SDK1: variants seen among roughly 807,000 people sequenced by gnomAD.
The protein encoded by SDK1 is sidekick cell adhesion molecule 1, also known as protein sidekick-1.
A neutral mutation model predicts 245.5 loss-of-function variants in SDK1; 157 were observed. The observed-to-expected ratio is 0.64, with a 90% CI of 0.56 to 0.73. SDK1 has a LOEUF of 0.73. SDK1 is among the 30% of genes least tolerant of loss of function. The pLI is 0.00. For synonymous variants in SDK1, 1,647 were observed against 1,278.5 expected, an observed-to-expected ratio of 1.29 and a Z score of -6.15; for missense variants, 3,583 against 3,002.3, an observed-to-expected ratio of 1.19 and a Z score of -4.52.
At chr7:3,716,367 A>G (rs779801078) in intron 4 of SDK1, among the ~76,000 whole-genome samples, 1 of 152,228 alleles carries the variant, frequency 6.6e-6, no homozygotes, top group Non-Finnish European at 1.5e-5. Flanking sequence ...TGTGTTGAAA[A>G]TAAGTAATTT....
intron 22 of SDK1, among the ~76,000 whole-genome samples, chr7:4,104,277 T>A (rs1315587543): frequency 1.3e-5 from 2 of 152,178 alleles, no homozygotes; most frequent in African/African-American, 4.8e-5. Context: ...CCCAGGCTGG[T>A]CTCGAAGTCC....
intron 1 of SDK1, among the ~76,000 whole-genome samples, chr7:3,393,771 G>T (rs1423431105): frequency 6.6e-6 from 1 of 152,012 alleles, no homozygotes; most frequent in African/African-American, 2.4e-5. Context: ...TTGAATTTGA[G>T]TTTCTTCAAA....
chr7:3,473,398 T>C (rs1048873353), intron 1 of SDK1, among the ~76,000 whole-genome samples: 1 of 152,380 alleles, frequency 6.6e-6, no homozygotes, highest in African/African-American at 2.4e-5. Flanking sequence ...TAAAATACTT[T>C]ATAGATTTAC....
Position 3,723,953 on chromosome 7 carries a change from G to T in SDK1, c.713+81848G>T, listed in dbSNP as rs200529191. Among the ~76,000 whole-genome samples the T allele has an allele frequency of 3.2e-3, 460 of 145,412 alleles. 7 individuals carry two copies. Among genetic ancestry groups the T allele is most frequent in the Middle Eastern group, 0.014 (4 of 276 alleles). On this transcript the variant is annotated intron_variant, in intron 4 of 44. Transcript: ENST00000404826. The stretch of plus-strand genomic sequence containing the variant: ...ATATATATATATATATAGAGAGAGA[G>T]AGAGAGAGAGAGAGAGAGAGAGAGA...
chr7:3,619,036 A>G, intron 1 of SDK1, 44 bp from the exon 2 acceptor site: 3 of 1,453,138 alleles, frequency 2.1e-6, no homozygotes, highest in Non-Finnish European at 2.8e-6. Flanking sequence ...TGCCACTTTC[A>G]TGCGTACTTC....
chr7:3,819,698 T>C (rs1386409562), intron 4 of SDK1, among the ~76,000 whole-genome samples: 2 of 152,116 alleles, frequency 1.3e-5, no homozygotes, highest in African/African-American at 4.8e-5. Context: ...GAAAACTTCC[T>C]AATAGGGAAA....
intron 4 of SDK1, among the ~76,000 whole-genome samples, chr7:3,713,444 C>A (rs991324275): frequency 3.9e-5 from 6 of 152,168 alleles, no homozygotes; most frequent in Non-Finnish European, 7.3e-5. Flanking sequence ...GACTGCTACA[C>A]ATTTTCCCTT....
chr7:3,595,797 C>A (rs74328156), intron 1 of SDK1, among the ~76,000 whole-genome samples: 4,352 of 133,400 alleles, frequency 0.033, 215 homozygotes, highest in African/African-American at 0.11. Context: ...CACTGCACTC[C>A]AGCCTGGTCG....
intron 36 of SDK1, among the ~76,000 whole-genome samples, chr7:4,207,817 A>C (rs1202014951): frequency 6.6e-6 from 1 of 152,112 alleles, no homozygotes; most frequent in African/African-American, 2.4e-5. Context: ...CTTATCTTCA[A>C]CAGCGCTTTG....
intron 42 of SDK1, among the ~76,000 whole-genome samples, chr7:4,241,081 T>C (rs1786488495): frequency 1.3e-5 from 2 of 152,346 alleles, no homozygotes; most frequent in Admixed American, 6.5e-5. Context: ...TCTGTTAATA[T>C]ATTTTAGAAT....
intron 44 of SDK1, among the ~76,000 whole-genome samples, chr7:4,249,548 TG>T (rs1001751559): frequency 4.6e-5 from 7 of 152,188 alleles, no homozygotes; most frequent in African/African-American, 1.7e-4. Context: ...ACCTAGGATT[TG>T]GGGGCCCAAG....
chr7:3,638,906 G>C (rs1782558278), intron 2 of SDK1, 98 bp from the exon 3 acceptor site: 2 of 610,230 alleles, frequency 3.3e-6, no homozygotes, highest in Non-Finnish European at 5.8e-6. Context: ...TATACTAGAT[G>C]AGATGCCAGT....
intron 18 of SDK1, among the ~76,000 whole-genome samples, 191 bp downstream of exon 18, chr7:4,049,654 C>T (rs1454506779): frequency 6.6e-6 from 1 of 152,196 alleles, no homozygotes; most frequent in Admixed American, 6.5e-5. Context: ...ATTCAAATTC[C>T]TAGTTATCAA....
intron 4 of SDK1, among the ~76,000 whole-genome samples, chr7:3,778,678 G>A (rs532048972): frequency 2.0e-5 from 3 of 152,170 alleles, no homozygotes; most frequent in Admixed American, 2.0e-4. Context: ...ACCATGTTCC[G>A]TAAACTAAAA....
intron 1 of SDK1, among the ~76,000 whole-genome samples, chr7:3,584,968 C>T (rs893034200): frequency 1.3e-5 from 2 of 152,118 alleles, no homozygotes; most frequent in Non-Finnish European, 2.9e-5. Context: ...TCGTAATCTG[C>T]CCTCCTCGGC....
At chr7:3,807,337 A>T (rs1779276603) in intron 4 of SDK1, among the ~76,000 whole-genome samples, 1 of 152,196 alleles carries the variant, frequency 6.6e-6, no homozygotes, top group South Asian at 2.1e-4. Context: ...ACGCTGACAC[A>T]CATAACTCGG....
intron 1 of SDK1, among the ~76,000 whole-genome samples, chr7:3,510,002 A>C (rs543516048): frequency 1.3e-5 from 2 of 152,304 alleles, no homozygotes; most frequent in South Asian, 2.1e-4. Flanking sequence ...AGGACTTTCC[A>C]GAGCTCCCCA....
chr7:3,848,820 C>T (rs1336601340), intron 5 of SDK1, among the ~76,000 whole-genome samples: 2 of 152,040 alleles, frequency 1.3e-5, no homozygotes, highest in Admixed American at 6.6e-5. Context: ...TACAGGCGTG[C>T]GTCACCATGC....
chr7:3,474,091 GTTTTTTTTTTTTTTTT>G (rs869083123), intron 1 of SDK1, among the ~76,000 whole-genome samples: 11 of 43,214 alleles, frequency 2.5e-4, no homozygotes, highest in Non-Finnish European at 3.1e-4. Flanking sequence ...ACCAGATGGT[GTTTTTTTTTTTTTTTT>G]TTTTTTTTTT....
Sources: allele counts gnomAD v4.1 joint callset (sites outside exome capture counted in the v4.1 genomes callset), GRCh38; gene constraint gnomAD v4.1.1; transcripts MANE v1.5; gene names NCBI Gene and HGNC (gene_info 2026-07-23, HGNC 2026-07-21).